The following TSFM variants were observed in gnomAD, a reference collection of about 807,000 sequenced individuals.
TSFM encodes the protein elongation factor Ts, mitochondrial.
A neutral mutation model predicts 33.4 loss-of-function variants in TSFM; 29 were observed. The observed-to-expected ratio is 0.87, with a 90% CI of 0.65 to 1.18. The LOEUF (loss-of-function observed/expected upper bound fraction) is 1.18. Among genes scored for constraint, TSFM ranks in the 50% most tolerant of loss-of-function variants. The probability of loss-of-function intolerance (pLI) is 0.00; values close to 1 mark genes in which losing one functional copy is unlikely to be tolerated. For synonymous variants in TSFM, 178 were observed against 163.5 expected (o/e 1.09, Z -0.68); for missense variants, 394 against 395.6 (o/e 1.00, Z 0.04).
At chr12:57,798,768 C>A (rs951015289), downstream of TSFM, among the ~76,000 whole-genome samples, 1 of 152,018 alleles carries the variant, frequency 6.6e-6, no homozygotes, top group Non-Finnish European at 1.5e-5. Context: ...AGGCACCCAC[C>A]ACCACGCCTG....
At chr12:57,783,596 C>CTTT (rs5798416) in intron 2 of TSFM, 20 of 494,858 alleles carry the variant, frequency 4.0e-5, no homozygotes, top group Admixed American at 1.2e-4. Flanking sequence ...TGACTTTAGA[C>CTTT]TTTTTTTTTT....
chr12:57,801,228 A>G (rs372990826), downstream of TSFM: 406 of 1,608,688 alleles, frequency 2.5e-4, 1 homozygote, highest in Non-Finnish European at 3.4e-4. Flanking sequence ...AAGAAGAGAG[A>G]GAAAACACAG....
intron 4 of TSFM, chr12:57,792,083 A>G (rs1315987433): frequency 1.0e-5 from 2 of 192,364 alleles, no homozygotes; most frequent in African/African-American, 4.8e-5. Flanking sequence ...TCCACTAAAA[A>G]AGATATAAAA....
At chr12:57,799,727 T>C (rs1955807847), downstream of TSFM, 3 of 1,603,716 alleles carry the variant, frequency 1.9e-6, no homozygotes, top group East Asian at 6.7e-5. Context: ...CTAGGCCATT[T>C]GCTGAGCTGA....
At position 57,796,804 on chromosome 12, in the gene TSFM, G is replaced by T. The variant is rs1002927462; in HGVS notation, c.*221G>T. ...TGGGCCTTATTGACGTGATAGTGTC[G>T]TGGAGAACAGGCATCAACAATACTG... On this transcript the variant is annotated 3_prime_UTR_variant, in exon 6 of 6. Transcript: ENST00000652027. 8.5e-7 allele frequency: 1 copy of T among 1,182,880 alleles called. No individual in the cohort carries two copies. Among genetic ancestry groups the T allele is most frequent in the Non-Finnish European group, 1.0e-6 (1 of 958,442 alleles). 73.3% of individuals were successfully genotyped at this position (1,182,880 alleles called of 1,614,324 possible).
At chr12:57,784,722 A>T (rs1955566049) in intron 2 of TSFM, among the ~76,000 whole-genome samples, 1 of 151,782 alleles carries the variant, frequency 6.6e-6, no homozygotes, top group Admixed American at 6.6e-5. Flanking sequence ...CTACTAAAAA[A>T]AAATAAAATT....
chr12:57,795,700 C>T (rs550488525), intron 5 of TSFM, among the ~76,000 whole-genome samples: 7 of 152,030 alleles, frequency 4.6e-5, no homozygotes, highest in East Asian at 1.9e-4. Flanking sequence ...CTGCAACCTC[C>T]GCTTCCTGGG....
chr12:57,799,849 C>T (rs781170350), downstream of TSFM: 5 of 1,614,160 alleles, frequency 3.1e-6, no homozygotes, highest in South Asian at 4.4e-5. Context: ...GGTTTTTCAA[C>T]AGAACTGCTA....
At chr12:57,794,626 G>C (rs1165190050) in intron 5 of TSFM, among the ~76,000 whole-genome samples, 1 of 152,194 alleles carries the variant, frequency 6.6e-6, no homozygotes, top group African/African-American at 2.4e-5. Context: ...AATTGCTTTG[G>C]AGTCAGATCT....
At chr12:57,799,797 C>T, downstream of TSFM, 1 of 1,613,978 alleles carries the variant, frequency 6.2e-7, no homozygotes, top group Non-Finnish European at 8.5e-7. Context: ...CCACTCACCT[C>T]CTTTTTGGCA....
At chr12:57,788,891 C>T (rs1955625232) in intron 4 of TSFM, among the ~76,000 whole-genome samples, 1 of 152,144 alleles carries the variant, frequency 6.6e-6, no homozygotes, top group African/African-American at 2.4e-5. Context: ...CTTTGGCCTC[C>T]CAAAGTGTTG....
At chr12:57,787,947 G>A (rs1245255087) in intron 4 of TSFM, among the ~76,000 whole-genome samples, 2 of 151,970 alleles carry the variant, frequency 1.3e-5, no homozygotes, top group Admixed American at 6.6e-5. Flanking sequence ...GATTGGAAAA[G>A]ACATGGTTTA....
At chr12:57,802,690 G>T, downstream of TSFM, 1 of 618,570 alleles carries the variant, frequency 1.6e-6, no homozygotes, top group Non-Finnish European at 2.9e-6. Context: ...TACTAAACTT[G>T]TATCTGAGTC....
downstream of TSFM, chr12:57,797,811 T>C (rs1955765934): frequency 8.3e-7 from 1 of 1,211,278 alleles, no homozygotes; most frequent in African/African-American, 1.5e-5. Context: ...AATTGGTGGA[T>C]AAATTATTTC....
chr12:57,797,375 A>AT lies in TSFM; in HGVS notation c.*795dup, dbSNP rs1207828542. 5.1e-6 allele frequency: 5 copies of AT among 985,244 alleles called. No homozygotes were observed. The African/African-American group carries it at 8.7e-5, about 17-fold the overall frequency. The allele number at this position is 985,244 out of a possible 1,614,324, so 61.0% of individuals were successfully genotyped here. ...GACCCAGAATACTGAAAATAACTCC[A>AT]TTTGTTCATTATAGGTATCTTTATT... On this transcript the variant is annotated 3_prime_UTR_variant, in exon 6 of 6. Coordinates refer to ENST00000652027, the MANE Select transcript of TSFM (RefSeq NM_005726.6).
At position 57,797,159 on chromosome 12, in the gene TSFM, T is replaced by G; in HGVS notation, c.*576T>G. 2.0e-6 allele frequency: 2 copies of G among 985,448 alleles called. No homozygotes were observed. Among genetic ancestry groups the G allele is most frequent in the Non-Finnish European group, 2.4e-6 (2 of 829,948 alleles). 61.0% of individuals were successfully genotyped at this position (985,448 alleles called of 1,614,324 possible). ...TTAATAACACATGCCCCTATTTCTC[T>G]TTTGGATGATGTGTGGGTGGGTGGG... On this transcript the variant is annotated 3_prime_UTR_variant, in exon 6 of 6. Coordinates refer to ENST00000652027, the MANE Select transcript of TSFM (RefSeq NM_005726.6).
At chr12:57,785,567 G>A (rs947740406) in intron 2 of TSFM, among the ~76,000 whole-genome samples, 1 of 152,148 alleles carries the variant, frequency 6.6e-6, no homozygotes, top group African/African-American at 2.4e-5. Flanking sequence ...CGCCTCCCGG[G>A]TTCAAGAAAT....
intron 4 of TSFM, 65 bp from the exon 5 acceptor site, chr12:57,792,921 G>T: frequency 1.3e-6 from 2 of 1,486,568 alleles, no homozygotes; most frequent in African/African-American, 1.4e-5. Flanking sequence ...GACTATTTTT[G>T]CCTATTCTTT....
At chr12:57,791,926 A>G in intron 4 of TSFM, 1 of 378,702 alleles carries the variant, frequency 2.6e-6, no homozygotes, top group South Asian at 2.0e-5. Context: ...ATCTAGCTCT[A>G]ACATTTTATG....
Sources: gnomAD v4.1 joint callset for allele counts (sites outside exome capture counted in the v4.1 genomes callset) on GRCh38, gnomAD v4.1.1 for gene constraint, MANE v1.5 for transcripts, NCBI Gene and HGNC (gene_info 2026-07-23, HGNC 2026-07-21) for gene names.